The following AP3M2 variants were observed in gnomAD, a reference collection of about 807,000 sequenced individuals.
AP3M2 encodes the protein adaptor related protein complex 3 subunit mu 2, also known as AP-3 complex subunit mu-2.
In AP3M2, 28 loss-of-function variants were observed where a neutral mutation model predicts 41.6. The observed-to-expected ratio is 0.67, with a 90% CI of 0.50 to 0.92. The LOEUF (loss-of-function observed/expected upper bound fraction) is 0.92. Ranked by LOEUF, AP3M2 falls within the 40% of genes least tolerant of loss-of-function variation. The pLI is 0.00. For synonymous variants in AP3M2, 193 were observed against 186.4 expected (o/e 1.04, Z -0.29); for missense variants, 427 against 521.4 (o/e 0.82, Z 1.76).
At chr8:42,155,048 C>A in intron 2 of AP3M2, 88 bp downstream of exon 2, 12 of 1,118,612 alleles carry the variant, frequency 1.1e-5, no homozygotes, top group Admixed American at 4.7e-5. Flanking sequence ...CATTAAGAAA[C>A]TTAAAAAAAA....
At chr8:42,156,167 C>T (rs1804349610) in intron 2 of AP3M2, 4 of 363,760 alleles carry the variant, frequency 1.1e-5, no homozygotes, top group South Asian at 8.2e-5. Context: ...TTAACAGTCG[C>T]ACTGGTGAAA....
rs139025053 is a variant in AP3M2, at chr8:42,168,904, G to A, written c.1157-57G>A. On this transcript the variant is annotated intron_variant, in intron 8 of 8. Transcript: ENST00000396926. ...GTGTATTGAACAGAAACAGTTAGGC[G>A]ACCTGCTCCTTTTGAATAATACTCA... 4.8e-5 allele frequency: 65 copies of A among 1,348,474 alleles called. No homozygotes were observed. The African/African-American group carries it at 5.9e-4, about 12-fold the overall frequency. The allele number at this position is 1,348,474 out of a possible 1,614,324, so 83.5% of individuals were successfully genotyped here.
chr8:42,160,410 G>T (rs934714312), intron 3 of AP3M2, among the ~76,000 whole-genome samples: 4 of 152,090 alleles, frequency 2.6e-5, no homozygotes, highest in African/African-American at 9.7e-5. Context: ...TGGACCAGGG[G>T]CTGGTTGTTA....
In AP3M2 at chr8:42,165,108, T is replaced by C. The variant is rs1248322554; in HGVS notation, c.621T>C (p.Asp207=). 7 of 1,614,136 alleles carry C rather than the reference T, an allele frequency of 4.3e-6. No individual in the cohort carries two copies. The highest frequency in any genetic ancestry group is 5.9e-6 in the Non-Finnish European group (7 of 1,180,002). ...TITAEIQGVI[D]ACVKLTGMPD... is the part of the protein sequence containing the mutation. The stretch of plus-strand genomic sequence containing the variant: ...CTGCTGAGATCCAGGGGGTGATTGA[T>C]GCCTGTGTCAAGCTGACTGGCATGC... The change falls in exon 5 of 9, where the codon GAT becomes GAC. Residue 207 remains aspartate (D), a synonymous_variant. Coordinates refer to ENST00000396926, the MANE Select transcript of AP3M2 (RefSeq NM_006803.4).
At chr8:42,163,135 G>A (rs1456246961) in intron 4 of AP3M2, among the ~76,000 whole-genome samples, 1 of 152,004 alleles carries the variant, frequency 6.6e-6, no homozygotes, top group African/African-American at 2.4e-5. Context: ...TTCAGAATTT[G>A]TAGAAGCCAG....
chr8:42,164,472 A>G (rs138977936), intron 4 of AP3M2, among the ~76,000 whole-genome samples: 14 of 152,340 alleles, frequency 9.2e-5, no homozygotes, highest in African/African-American at 3.4e-4. Flanking sequence ...GTGAAAGAAA[A>G]TAGAAGTTCA....
chr8:42,170,876 A>G lies in AP3M2; in HGVS notation c.*1815A>G, dbSNP rs958726362. 2 of 152,234 alleles carry G rather than the reference A, an allele frequency of 1.3e-5. No individual in the cohort carries two copies. Among genetic ancestry groups the G allele is most frequent in the Non-Finnish European group, 2.9e-5 (2 of 68,042 alleles). The allele number at this position is 152,234 out of a possible 1,614,324, so 9.4% of individuals were successfully genotyped here. A position where few individuals can be genotyped will look rare whatever the true frequency, so the allele number is the denominator to read the frequency against. ...CTGAACAACTAATCTTGGTCCCTGA[A>G]TATTTCTAGGTTTGTAAGTGCAGCA... is the stretch of plus-strand genomic sequence containing the variant. On this transcript the variant is annotated 3_prime_UTR_variant, in exon 9 of 9. Transcript: ENST00000396926.
At position 42,154,792 on chromosome 8, in the gene AP3M2, G is replaced by A. The variant is rs199664300; in HGVS notation, c.105G>A (p.Ala35=). Reference sequence around the variant, plus strand: ...CTGTTTGTGATTACTTTTTTGAGGCGCAAGAGAGAGCTACTGAGGCAGAAA... The same window carrying A: ...CTGTTTGTGATTACTTTTTTGAGGCACAAGAGAGAGCTACTGAGGCAGAAA... The part of the protein sequence containing the change: ...SRSVCDYFFE[A]QERATEAENV... The change falls in exon 2 of 9, where the codon GCG becomes GCA. Residue 35 remains alanine, a synonymous_variant. Transcript: ENST00000396926. 377 of 1,614,038 alleles carry A rather than the reference G, an allele frequency of 2.3e-4. No individual in the cohort carries two copies. Among genetic ancestry groups the A allele is most frequent in the African/African-American group, 2.9e-4 (22 of 74,994 alleles).
At chr8:42,158,771 C>T (rs1187236208) in intron 3 of AP3M2, among the ~76,000 whole-genome samples, 1 of 151,716 alleles carries the variant, frequency 6.6e-6, no homozygotes, top group Non-Finnish European at 1.5e-5. Flanking sequence ...TGAACATTAT[C>T]CCATGATGAT....
intron 7 of AP3M2, 119 bp downstream of exon 7, chr8:42,167,490 C>T (rs1418000812): frequency 5.0e-6 from 7 of 1,387,436 alleles, no homozygotes; most frequent in Non-Finnish European, 6.9e-6. Flanking sequence ...ACCTTGTTTT[C>T]TCCTGCCAGG....
At chr8:42,167,602 A>G in intron 7 of AP3M2, 64 bp from the exon 8 acceptor site, 3 of 1,562,142 alleles carry the variant, frequency 1.9e-6, no homozygotes, top group South Asian at 2.4e-5. Flanking sequence ...GCCACCTCAA[A>G]TGCAGGATTC....
intron 4 of AP3M2, among the ~76,000 whole-genome samples, chr8:42,162,943 CAAAA>C (rs67923954): frequency 1.8e-4 from 10 of 54,214 alleles, no homozygotes; most frequent in Non-Finnish European, 3.1e-4. Flanking sequence ...GACCCTGTCT[CAAAA>C]AAAAAAAAAA....
chr8:42,158,388 A>G (rs1328114705), intron 3 of AP3M2, among the ~76,000 whole-genome samples: 2 of 151,540 alleles, frequency 1.3e-5, no homozygotes, highest in Non-Finnish European at 2.9e-5. Flanking sequence ...AGCTGGGATT[A>G]CAGGCATGCA....
At chr8:42,160,825 G>T (rs1804487107) in intron 3 of AP3M2, among the ~76,000 whole-genome samples, 1 of 152,080 alleles carries the variant, frequency 6.6e-6, no homozygotes, top group Non-Finnish European at 1.5e-5. Flanking sequence ...ATTATATCTT[G>T]ATGATACATT....
chr8:42,159,837 A>G (rs1425057719), intron 3 of AP3M2, among the ~76,000 whole-genome samples: 1 of 152,246 alleles, frequency 6.6e-6, no homozygotes, highest in Non-Finnish European at 1.5e-5. Context: ...AAATATTGCA[A>G]GAATAGCCAG....
chr8:42,165,174 A>G lies in AP3M2; in HGVS notation c.669+18A>G, dbSNP rs148686139. 7.9e-4 allele frequency: 1,278 copies of G among 1,608,652 alleles called. 14 individuals carry two copies. In the African/African-American group the frequency reaches 0.015, roughly 19 times the overall value. On this transcript the variant is annotated intron_variant, in intron 5 of 8. Coordinates refer to ENST00000396926, the MANE Select transcript of AP3M2 (RefSeq NM_006803.4). ...CCTTCATGGTAAAATCCTGGGCCAG[A>G]GATTAAGTTCTTGGGATGAGAAATT...
intron 4 of AP3M2, among the ~76,000 whole-genome samples, 162 bp from the exon 5 acceptor site, chr8:42,164,909 T>C (rs751302775): frequency 3.3e-5 from 5 of 151,134 alleles, no homozygotes; most frequent in Non-Finnish European, 7.4e-5. Flanking sequence ...TATAAATGAA[T>C]TGGATGGCTA....
rs1804729632 is a variant in AP3M2, at chr8:42,169,271, G to C, written c.*210G>C. 1 of 434,654 alleles carries C rather than the reference G, an allele frequency of 2.3e-6. No individual in the cohort carries two copies. Among genetic ancestry groups the C allele is most frequent in the Non-Finnish European group, 4.0e-6 (1 of 247,258 alleles). 26.9% of individuals were successfully genotyped at this position (434,654 alleles called of 1,614,324 possible). A position where few individuals can be genotyped will look rare whatever the true frequency, so the allele number is the denominator to read the frequency against. ...ACAGAACTGAAACACAGCAACACCA[G>C]TTCTCAAGGACAAGGTGTGTGATGG... is the stretch of plus-strand genomic sequence containing the variant. On this transcript the variant is annotated 3_prime_UTR_variant, in exon 9 of 9. Transcript: ENST00000396926.
At chr8:42,165,748 G>T (rs754267138) in intron 6 of AP3M2, 188 bp downstream of exon 6, 8 of 559,064 alleles carry the variant, frequency 1.4e-5, no homozygotes, top group Non-Finnish European at 2.4e-5. Flanking sequence ...TCTGTAAATT[G>T]AAAATAATAA....
Sources: gnomAD v4.1 joint callset for allele counts (sites outside exome capture counted in the v4.1 genomes callset) on GRCh38, gnomAD v4.1.1 for gene constraint, MANE v1.5 for transcripts, NCBI Gene and HGNC (gene_info 2026-07-23, HGNC 2026-07-21) for gene names.